Variants in DOCK4 observed in about 807,000 individuals in gnomAD.
DOCK4 encodes dedicator of cytokinesis protein 4.
A neutral mutation model predicts 268.1 loss-of-function variants in DOCK4; 97 were observed. The observed-to-expected ratio is 0.36, with a 90% CI of 0.31 to 0.43. The LOEUF is 0.43. DOCK4 is among the 20% of genes least tolerant of loss of function. The pLI, the probability that DOCK4 is intolerant of heterozygous loss-of-function variation, is 1.00. For synonymous variants in DOCK4, 954 were observed against 887.2 expected (o/e 1.08, Z -1.34); for missense variants, 2,145 against 2,455.7 (o/e 0.87, Z 2.67).
At chr7:111,899,717 G>A (rs551738520) in intron 15 of DOCK4, among the ~76,000 whole-genome samples, 1 of 152,140 alleles carries the variant, frequency 6.6e-6, no homozygotes, top group Non-Finnish European at 1.5e-5. Flanking sequence ...GAGGTCAGGA[G>A]TTCAAGACCA....
intron 17 of DOCK4, among the ~76,000 whole-genome samples, chr7:111,876,722 C>T (rs1351344767): frequency 6.7e-6 from 1 of 148,168 alleles, no homozygotes; most frequent in African/African-American, 2.5e-5. Context: ...AGCTATAAAA[C>T]ACGAGATTAA....
At chr7:112,017,490 G>C (rs1173779423) in intron 1 of DOCK4, among the ~76,000 whole-genome samples, 1 of 152,184 alleles carries the variant, frequency 6.6e-6, no homozygotes, top group Non-Finnish European at 1.5e-5. Context: ...GAGGTAGAGA[G>C]GTCTTGGCAA....
chr7:111,814,077 C>T (rs1746434040), intron 27 of DOCK4, among the ~76,000 whole-genome samples: 1 of 152,174 alleles, frequency 6.6e-6, no homozygotes, highest in African/African-American at 2.4e-5. Context: ...CGTTCAGACA[C>T]AATACCTCTG....
intron 1 of DOCK4, among the ~76,000 whole-genome samples, chr7:112,065,640 A>G (rs917784851): frequency 1.3e-5 from 2 of 150,592 alleles, no homozygotes; most frequent in Non-Finnish European, 2.9e-5. Flanking sequence ...TTCTGGTTCA[A>G]TTGGCCTAGG....
At position 111,989,008 on chromosome 7, in the gene DOCK4, T is replaced by C. The variant is rs1799279653; in HGVS notation, c.464+7A>G. The C allele has an allele frequency of 1.9e-6, 3 of 1,606,320 alleles. No individual in the cohort carries two copies. Among genetic ancestry groups the C allele is most frequent in the East Asian group, 2.2e-5 (1 of 44,640 alleles). The stretch of plus-strand genomic sequence containing the variant: ...CTAGAGGCCGCCCTGTGATGCTCAA[T>C]ACTCACTCATTGCCCCAGTCAAGCC... On this transcript the variant is annotated splice_region_variant and intron_variant, in intron 6 of 52. Coordinates refer to ENST00000428084, the MANE Select transcript of DOCK4 (RefSeq NM_001363540.2).
chr7:112,083,408 T>C (rs1808774221), intron 1 of DOCK4, among the ~76,000 whole-genome samples: 1 of 152,048 alleles, frequency 6.6e-6, no homozygotes, highest in Admixed American at 6.6e-5. Flanking sequence ...GAATTAATAG[T>C]ATAACGTATG....
At chr7:111,790,203 CA>C (rs1799436829) in intron 31 of DOCK4, among the ~76,000 whole-genome samples, 1 of 152,056 alleles carries the variant, frequency 6.6e-6, no homozygotes, top group Non-Finnish European at 1.5e-5. Context: ...TTCTTAAATA[CA>C]GATCTGGGAA....
chr7:111,898,673 T>C (rs994696470), intron 15 of DOCK4, among the ~76,000 whole-genome samples: 1 of 152,218 alleles, frequency 6.6e-6, no homozygotes, highest in African/African-American at 2.4e-5. Context: ...AGATAAATAT[T>C]TGGAAGCCCA....
chr7:111,901,238 G>T (rs906653851), intron 14 of DOCK4, among the ~76,000 whole-genome samples: 1 of 150,294 alleles, frequency 6.7e-6, no homozygotes, highest in South Asian at 2.1e-4. Flanking sequence ...AAGGGCTGGG[G>T]TACGAGAATT....
rs564281606 is a variant in DOCK4, at chr7:111,740,458, C to T, written c.5040+636G>A. 1.5e-4 allele frequency among the ~76,000 whole-genome samples: 23 copies of T among 150,064 alleles called. No individual in the cohort carries two copies. In the South Asian group the frequency reaches 4.3e-3, roughly 28 times the overall value. On this transcript the variant is annotated intron_variant, in intron 47 of 52. Coordinates refer to ENST00000428084, the MANE Select transcript of DOCK4 (RefSeq NM_001363540.2). ...TTTTGGAATGCTAAGAGGGGCCGGGCGCAGTAGCTCATGCCTGTAATCCCA... is the reference window on the plus strand; with the variant it reads ...TTTTGGAATGCTAAGAGGGGCCGGGTGCAGTAGCTCATGCCTGTAATCCCA...
intron 25 of DOCK4, among the ~76,000 whole-genome samples, chr7:111,839,301 T>G (rs1803481920): frequency 6.6e-6 from 1 of 152,220 alleles, no homozygotes; most frequent in African/African-American, 2.4e-5. Context: ...AATGCAAATC[T>G]AGTTAGTAGA....
At position 111,767,054 on chromosome 7, in the gene DOCK4, TA is replaced by T. The variant is rs1389802633; in HGVS notation, c.3892del (p.Tyr1298ThrfsTer4). On this transcript the variant is annotated frameshift_variant, in exon 38 of 53. Transcript: ENST00000428084. LOFTEE classifies it high-confidence loss of function. ...IAEQYESYYD[Y>X]RNLSKMRMME... ...TACCCGCATCTTGCTCAGGTTTCTGTAGTCATAATAACTCTCATACTGCTCT... is the reference window on the plus strand; with the variant it reads ...TACCCGCATCTTGCTCAGGTTTCTGTGTCATAATAACTCTCATACTGCTCT... 6.2e-7 allele frequency: 1 copy of T among 1,613,750 alleles called. No individual in the cohort carries two copies. The highest frequency in any genetic ancestry group is 8.5e-7 in the Non-Finnish European group (1 of 1,179,758).
chr7:112,026,458 A>C (rs533503847), intron 1 of DOCK4, among the ~76,000 whole-genome samples: 1 of 152,206 alleles, frequency 6.6e-6, no homozygotes, highest in Admixed American at 6.5e-5. Flanking sequence ...CCCCGGTGCC[A>C]AAAATGTTGG....
chr7:111,951,647 C>CAA (rs35968911), intron 8 of DOCK4, among the ~76,000 whole-genome samples: 1,658 of 85,800 alleles, frequency 0.019, 27 homozygotes, highest in African/African-American at 0.056. Flanking sequence ...CCATCGCTAC[C>CAA]AAAAAAAAAA....
At chr7:112,036,021 G>A (rs1248036921) in intron 1 of DOCK4, among the ~76,000 whole-genome samples, 1 of 150,564 alleles carries the variant, frequency 6.6e-6, no homozygotes, top group Non-Finnish European at 1.5e-5. Context: ...AGAAAGACAA[G>A]AAAAATAGGC....
intron 1 of DOCK4, among the ~76,000 whole-genome samples, chr7:112,051,273 G>A (rs1156780702): frequency 6.6e-6 from 1 of 152,030 alleles, no homozygotes; most frequent in Non-Finnish European, 1.5e-5. Context: ...GGGGTGGAGG[G>A]TTAAAAACTC....
At chr7:112,189,250 C>T (rs1423735141) in intron 1 of DOCK4, among the ~76,000 whole-genome samples, 1 of 151,478 alleles carries the variant, frequency 6.6e-6, no homozygotes, top group African/African-American at 2.4e-5. Context: ...CTTTTGATAA[C>T]AGCTTGCCTT....
intron 22 of DOCK4, among the ~76,000 whole-genome samples, chr7:111,866,617 T>C (rs1486532313): frequency 6.6e-6 from 1 of 152,144 alleles, no homozygotes; most frequent in Non-Finnish European, 1.5e-5. Context: ...CACTCTGCTG[T>C]ACCCCGGTGG....
At chr7:112,190,804 A>C (rs1048851601) in intron 1 of DOCK4, among the ~76,000 whole-genome samples, 2 of 152,196 alleles carry the variant, frequency 1.3e-5, no homozygotes, top group African/African-American at 4.8e-5. Flanking sequence ...GAAAAGGAGA[A>C]AGATTAGAAG....
Sources: gnomAD v4.1 joint callset for allele counts (sites outside exome capture counted in the v4.1 genomes callset) on GRCh38, gnomAD v4.1.1 for gene constraint, MANE v1.5 for transcripts, NCBI Gene and HGNC (gene_info 2026-07-23, HGNC 2026-07-21) for gene names.